PRAG1: variants seen among roughly 807,000 people sequenced by gnomAD.
PRAG1 encodes the protein PEAK1 related, kinase-activating pseudokinase 1.
Under a neutral mutation model 95.6 loss-of-function variants are expected in PRAG1, and 110 were observed. The ratio of observed to expected loss-of-function variants is 1.15; its 90% CI spans 0.99 to 1.35. PRAG1 has a LOEUF of 1.35. PRAG1 is among the 40% of genes most tolerant of loss of function. PRAG1 has a pLI of 0.00. For synonymous variants in PRAG1, 1,052 were observed against 819.4 expected (o/e 1.28, Z -4.85); for missense variants, 2,554 against 1,864.7 (o/e 1.37, Z -6.81).
intron 1 of PRAG1, among the ~76,000 whole-genome samples, chr8:8,385,982 C>A (rs912004859): frequency 6.6e-6 from 1 of 152,220 alleles, no homozygotes; most frequent in Non-Finnish European, 1.5e-5. Context: ...GCGCTTCAGC[C>A]TCCGGCCGCA....
chr8:8,342,387 G>A (rs1392796632), intron 3 of PRAG1, among the ~76,000 whole-genome samples: 3 of 151,754 alleles, frequency 2.0e-5, no homozygotes, highest in East Asian at 2.0e-4. Flanking sequence ...TAGTAGAGAC[G>A]GGGTTTCACC....
chr8:8,338,251 A>C (rs1585233716), intron 4 of PRAG1, among the ~76,000 whole-genome samples: 1 of 152,046 alleles, frequency 6.6e-6, no homozygotes. Flanking sequence ...GTTCTTAGGA[A>C]CCCTGCGAGT....
rs760443051 is a variant in PRAG1, at chr8:8,318,378, G to A, written c.3997C>T (p.Arg1333Trp). The change falls in exon 6 of 6, where the codon CGG becomes TGG. Residue 1333 changes from arginine (R) to tryptophan (W), a missense_variant. Coordinates refer to ENST00000615670, the MANE Select transcript of PRAG1 (RefSeq NM_001080826.3). The surrounding 1 kb of genome is among the most constrained non-coding windows in gnomAD (Gnocchi z 4.2). ...RVLQCLLWGPRRELVQQPGTS... is the reference protein window; with the variant it reads ...RVLQCLLWGPWRELVQQPGTS... ...CCCGGCTGCTGCACCAGCTCGCGCC[G>A]AGGCCCCCACAGCAGGCACTGCAGC... The A allele has an allele frequency of 2.9e-5, 47 of 1,613,268 alleles. 1 individual carries two copies. The South Asian group carries it at 4.6e-4, about 16-fold the overall frequency.
rs1459536399 is a variant in PRAG1 at position 8,377,907 on chromosome 8, C to A, written c.502G>T (p.Glu168Ter). Reference protein sequence around the residue: ...AYTMVGLHNLEPRGERNIAFH... With the variant: ...AYTMVGLHNL ...GCAATGTTCCTCTCGCCGCGGGGCT[C>A]AAGGTTGTGCAGGCCGACCATGGTG... Residue 168 changes from glutamate (E) to a stop codon, truncating the protein, a stop_gained, in exon 3 of 6, where the codon GAG becomes TAG. Coordinates refer to ENST00000615670, the MANE Select transcript of PRAG1 (RefSeq NM_001080826.3). LOFTEE classifies it high-confidence loss of function. The A allele has an allele frequency of 6.2e-7, 1 of 1,613,954 alleles. No homozygotes were observed. The highest frequency in any genetic ancestry group is 8.5e-7 in the Non-Finnish European group (1 of 1,180,010).
At chr8:8,338,939 G>C (rs181921373) in intron 4 of PRAG1, among the ~76,000 whole-genome samples, 1 of 152,208 alleles carries the variant, frequency 6.6e-6, no homozygotes, top group East Asian at 1.9e-4. Flanking sequence ...GACATGCCCA[G>C]TGGAGGACAG....
At chr8:8,361,531 G>A (rs145820372) in intron 3 of PRAG1, among the ~76,000 whole-genome samples, 2 of 152,140 alleles carry the variant, frequency 1.3e-5, no homozygotes, top group African/African-American at 2.4e-5. Context: ...ACTCTTCCTT[G>A]TTCTCCTGTC....
chr8:8,327,937 C>T lies in PRAG1; in HGVS notation c.2845G>A (p.Glu949Lys), dbSNP rs766439503. The change falls in exon 5 of 6, where the codon GAG (glutamate) becomes AAG (lysine). Residue 949 changes from glutamate to lysine, a missense_variant. Transcript: ENST00000615670. ...CCCCCCAGCTTGGCATAGGTGCCCT[C>T]CTTGCTGCTGATGTTGCTCAGGAGA... ...HGLLSNISSK[E>K]GTYAKLGGLY... The T allele has an allele frequency of 5.0e-6, 8 of 1,613,216 alleles. No homozygotes were observed. The highest frequency in any genetic ancestry group is 6.8e-6 in the Non-Finnish European group (8 of 1,179,458).
At chr8:8,379,595 G>C (rs755409608) in intron 2 of PRAG1, among the ~76,000 whole-genome samples, 1 of 152,208 alleles carries the variant, frequency 6.6e-6, no homozygotes, top group Non-Finnish European at 1.5e-5. Context: ...CCCTGATTTA[G>C]AATTGACCTT....
chr8:8,374,113 G>A (rs546550527), intron 3 of PRAG1, among the ~76,000 whole-genome samples: 1 of 152,312 alleles, frequency 6.6e-6, no homozygotes, highest in African/African-American at 2.4e-5. Context: ...ACTAACCTCT[G>A]CATTGGATTC....
intron 3 of PRAG1, among the ~76,000 whole-genome samples, chr8:8,370,799 C>T (rs1800168932): frequency 6.6e-6 from 1 of 152,126 alleles, no homozygotes; most frequent in Non-Finnish European, 1.5e-5. Flanking sequence ...AAACGAACTC[C>T]ACTCATGACA....
At chr8:8,345,381 AAGAAAG>A (rs1243907314) in intron 3 of PRAG1, among the ~76,000 whole-genome samples, 5 of 151,278 alleles carry the variant, frequency 3.3e-5, no homozygotes, top group African/African-American at 1.2e-4. Context: ...AAAAAAAAAA[AAGAAAG>A]AAAGAAAGAA....
chr8:8,373,454 A>ATTGTTTTTTTTTTT lies in PRAG1; in HGVS notation c.2162+2792_2162+2793insAAAAAAAAAAACAA, dbSNP rs1470559658. Among the ~76,000 whole-genome samples the ATTGTTTTTTTTTTT allele has an allele frequency of 3.8e-3, 523 of 138,106 alleles. 29 individuals are homozygous for ATTGTTTTTTTTTTT. The highest frequency in any genetic ancestry group is 0.021 in the South Asian group (85 of 4,092). 90.6% of individuals were successfully genotyped at this position (138,106 alleles called of 152,430 possible). The stretch of plus-strand genomic sequence containing the variant: ...CTCTTAAGCTAATTTTATTTTCTAG[A>ATTGTTTTTTTTTTT]TTTTTTTTTTTTTGAGACAGGGTCT... On this transcript the variant is annotated intron_variant, in intron 3 of 5. Coordinates refer to ENST00000615670, the MANE Select transcript of PRAG1 (RefSeq NM_001080826.3).
rs1585273918 is a variant in PRAG1 at position 8,374,690 on chromosome 8, G to A, written c.2162+1557C>T. ...CTCATTCATTCGGGGACTACACGCG[G>A]CTGCCAAAGAGTCTGCAATCACCTC... On this transcript the variant is annotated intron_variant, in intron 3 of 5. Transcript: ENST00000615670. The A allele has an allele frequency of 3.0e-6, 3 of 985,274 alleles. No individual in the cohort carries two copies. In the East Asian group the frequency reaches 3.4e-4, roughly 112 times the overall value. 61.0% of individuals were successfully genotyped at this position (985,274 alleles called of 1,614,324 possible).
Position 8,377,291 on chromosome 8 carries a change from G to A in PRAG1, c.1118C>T (p.Ala373Val), listed in dbSNP as rs1800445238. The part of the protein sequence containing the change: ...SDYCSLMKEP[A>V]PEKQQDPGCP... ...GCCAGGGTCCTGCTGCTTCTCTGGG[G>A]CAGGTTCCTTCATGAGGGAGCAGTA... Residue 373 changes from alanine (A) to valine (V), a missense_variant, in exon 3 of 6, where the codon GCC (alanine) becomes GTC (valine). Coordinates refer to ENST00000615670, the MANE Select transcript of PRAG1 (RefSeq NM_001080826.3). The A allele has an allele frequency of 3.7e-6, 6 of 1,612,802 alleles. No individual in the cohort carries two copies. The highest frequency in any genetic ancestry group is 5.1e-6 in the Non-Finnish European group (6 of 1,179,934).
intron 4 of PRAG1, among the ~76,000 whole-genome samples, chr8:8,334,424 A>T (rs1228951612): frequency 2.7e-5 from 4 of 146,948 alleles, no homozygotes; most frequent in Admixed American, 2.1e-4. Context: ...TGACCGAGTG[A>T]GACTCCATCT....
At chr8:8,322,042 T>A (rs1278577063) in intron 5 of PRAG1, among the ~76,000 whole-genome samples, 1 of 152,238 alleles carries the variant, frequency 6.6e-6, no homozygotes, top group East Asian at 1.9e-4. Context: ...GCACTAGAGC[T>A]CATCCCTGAA....
At chr8:8,367,693 G>T (rs1278072243) in intron 3 of PRAG1, among the ~76,000 whole-genome samples, 1 of 151,830 alleles carries the variant, frequency 6.6e-6, no homozygotes, top group Admixed American at 6.6e-5. Flanking sequence ...CCAGGCTGGA[G>T]TGCAGTGGCG....
At chr8:8,324,026 G>A (rs1798551858) in intron 5 of PRAG1, among the ~76,000 whole-genome samples, 2 of 152,176 alleles carry the variant, frequency 1.3e-5, no homozygotes, top group South Asian at 4.1e-4. Context: ...TTCCTCGTAG[G>A]GCCATTGTGA....
chr8:8,336,914 CT>C (rs34074610), intron 4 of PRAG1, among the ~76,000 whole-genome samples: 38,129 of 88,110 alleles, frequency 0.43, 9,771 homozygotes, highest in East Asian at 0.75. Flanking sequence ...CCTTTCCCCC[CT>C]CCCCCCACCT....
Sources: allele counts gnomAD v4.1 joint callset (sites outside exome capture counted in the v4.1 genomes callset), GRCh38; gene constraint gnomAD v4.1.1; non-coding constraint Gnocchi (gnomAD v3.1); transcripts MANE v1.5; gene names NCBI Gene and HGNC (gene_info 2026-07-23, HGNC 2026-07-21).